The following ELN variants were observed in gnomAD, a reference collection of about 807,000 sequenced individuals.
ELN encodes tropoelastin.
A neutral mutation model predicts 105.8 loss-of-function variants in ELN; 65 were observed. The ratio of observed to expected loss-of-function variants is 0.61; its 90% confidence interval spans 0.50 to 0.75. ELN has a LOEUF of 0.75. Ranked by LOEUF, ELN falls within the 30% of genes least tolerant of loss-of-function variation. ELN has a pLI of 0.00. For synonymous variants in ELN, 368 were observed against 389.2 expected (o/e 0.95, Z 0.64); for missense variants, 882 against 969.4 (o/e 0.91, Z 1.20).
intron 10 of ELN, among the ~76,000 whole-genome samples, chr7:74,045,501 G>A (rs1004742298): frequency 1.3e-5 from 2 of 152,182 alleles, no homozygotes; most frequent in Non-Finnish European, 2.9e-5. Context: ...TATTTTGGGA[G>A]GGTGAGCTGG....
chr7:74,035,539 TA>T (rs1317101949), intron 2 of ELN, 125 bp downstream of exon 2: 9 of 1,155,842 alleles, frequency 7.8e-6, no homozygotes, highest in Admixed American at 5.8e-5. Flanking sequence ...CACACCCACT[TA>T]AAAATGCAAT....
chr7:74,046,393 C>G (rs1029575423), intron 11 of ELN, among the ~76,000 whole-genome samples, 176 bp downstream of exon 11: 5 of 152,376 alleles, frequency 3.3e-5, no homozygotes, highest in South Asian at 4.1e-4. Context: ...CTGCTCCCCC[C>G]ACTGGCATAG....
chr7:74,060,321 C>A (rs1057077306), intron 24 of ELN, 55 bp from the exon 25 acceptor site: 3 of 1,614,126 alleles, frequency 1.9e-6, no homozygotes, highest in Non-Finnish European at 2.5e-6. Flanking sequence ...GGCAGGACAC[C>A]TCCTTAGGGG....
At chr7:74,068,191 G>A (rs1007962477) in intron 32 of ELN, among the ~76,000 whole-genome samples, 2 of 152,170 alleles carry the variant, frequency 1.3e-5, no homozygotes, top group South Asian at 2.1e-4. Flanking sequence ...ACACTATGTG[G>A]ATAAGACCCT....
intron 18 of ELN, 122 bp from the exon 19 acceptor site, chr7:74,054,594 C>T: frequency 9.9e-7 from 1 of 1,010,194 alleles, no homozygotes; most frequent in Non-Finnish European, 1.6e-6. Flanking sequence ...GGATGTGTAG[C>T]CAACTCTATG....
At chr7:74,032,747 C>A (rs1788992494) in intron 1 of ELN, among the ~76,000 whole-genome samples, 1 of 152,038 alleles carries the variant, frequency 6.6e-6, no homozygotes, top group Non-Finnish European at 1.5e-5. Context: ...AGGGCAGAAC[C>A]CCAGGAGAAA....
intron 1 of ELN, among the ~76,000 whole-genome samples, chr7:74,028,783 C>T (rs1390015443): frequency 2.0e-5 from 3 of 152,182 alleles, no homozygotes; most frequent in Non-Finnish European, 4.4e-5. Flanking sequence ...GTCAGGGCTC[C>T]GCTGAGGATG....
At chr7:74,032,708 T>C (rs1788980058) in intron 1 of ELN, among the ~76,000 whole-genome samples, 1 of 152,032 alleles carries the variant, frequency 6.6e-6, no homozygotes, top group Admixed American at 6.5e-5. Flanking sequence ...AAGCTAAGTC[T>C]TCCCCCCAGA....
chr7:74,035,678 T>A, intron 2 of ELN: 1 of 553,200 alleles, frequency 1.8e-6, no homozygotes. Flanking sequence ...CAGACCAGCC[T>A]GGACAACATA....
intron 24 of ELN, 37 bp from the exon 25 acceptor site, chr7:74,060,339 C>T (rs1796365139): frequency 6.2e-7 from 1 of 1,613,996 alleles, no homozygotes; most frequent in Admixed American, 1.7e-5. Context: ...GGGCATGCTC[C>T]CTGCCTGCTG....
intron 22 of ELN, 33 bp downstream of exon 22, chr7:74,057,729 G>A (rs782111513): frequency 4.0e-5 from 64 of 1,611,244 alleles, no homozygotes; most frequent in Non-Finnish European, 4.8e-5. Flanking sequence ...ACTGGCTCAC[G>A]GAGAACTGCT....
At chr7:74,042,564 T>A (rs545598697) in intron 5 of ELN, 50 bp from the exon 6 acceptor site, 1 of 1,557,526 alleles carries the variant, frequency 6.4e-7, no homozygotes, top group East Asian at 2.2e-5. Flanking sequence ...AGCGTAGGAG[T>A]CTTCATAGGT....
At chr7:74,049,386 GCATCCATCCATCTATGCACCCATC>G (rs1363513655) in intron 15 of ELN, among the ~76,000 whole-genome samples, 1 of 110,276 alleles carries the variant, frequency 9.1e-6, no homozygotes, top group African/African-American at 3.6e-5. Flanking sequence ...ATTCCTCCAT[GCATCCATCCATCTATGCACCCATC>G]CATCCATCCC....
In ELN at chr7:74,064,339, T is replaced by C. The variant is rs544570523; in HGVS notation, c.1993+644T>C. ...CTGAGGCAGAAGAATGGCGTGAACC[T>C]GGGAGGCGGAGCTTGCAGTGAGCCG... On this transcript the variant is annotated intron_variant, in intron 29 of 32. Transcript: ENST00000252034. 3.3e-3 allele frequency among the ~76,000 whole-genome samples: 495 copies of C among 149,482 alleles called. 3 individuals carry two copies. Among genetic ancestry groups the C allele is most frequent in the African/African-American group, 0.01 (422 of 40,412 alleles).
chr7:74,054,470 CAAA>C (rs113505500), intron 18 of ELN, among the ~76,000 whole-genome samples: 4 of 89,378 alleles, frequency 4.5e-5, no homozygotes, highest in Admixed American at 1.2e-4. Flanking sequence ...GACTCCATCT[CAAA>C]AAAAAAAAAA....
At chr7:74,056,479 G>A (rs781795734) in intron 20 of ELN, 44 bp downstream of exon 20, 83 of 1,611,868 alleles carry the variant, frequency 5.1e-5, no homozygotes, top group Admixed American at 3.0e-4. Flanking sequence ...AGAAGGGATG[G>A]GGGCTTCTTG....
intron 29 of ELN, among the ~76,000 whole-genome samples, chr7:74,065,068 C>CG (rs1486900404): frequency 1.3e-5 from 2 of 151,242 alleles, no homozygotes; most frequent in Non-Finnish European, 2.9e-5. Context: ...TAGCAAGACC[C>CG]CCCCCCACCA....
At chr7:74,040,558 G>A (rs1340774403) in intron 4 of ELN, among the ~76,000 whole-genome samples, 2 of 152,216 alleles carry the variant, frequency 1.3e-5, no homozygotes, top group Non-Finnish European at 2.9e-5. Context: ...ACTAGCACTT[G>A]TAGGAGAGAT....
chr7:74,064,788 G>A (rs1430069749), intron 29 of ELN, among the ~76,000 whole-genome samples: 2 of 152,110 alleles, frequency 1.3e-5, no homozygotes, highest in Non-Finnish European at 2.9e-5. Flanking sequence ...TCAAAGCTTG[G>A]AGAGAAATTG....
Sources: allele counts gnomAD v4.1 joint callset (sites outside exome capture counted in the v4.1 genomes callset), GRCh38; gene constraint gnomAD v4.1.1; transcripts MANE v1.5; gene names NCBI Gene and HGNC (gene_info 2026-07-23, HGNC 2026-07-21).